LRRTM4: variants seen among roughly 807,000 people sequenced by gnomAD.
LRRTM4 encodes leucine rich repeat transmembrane neuronal 4.
In LRRTM4, 25 loss-of-function variants were observed where a neutral mutation model predicts 47.6. The observed-to-expected ratio is 0.53, with a 90% confidence interval of 0.38 to 0.73. The LOEUF is 0.73. Among genes scored for constraint, LRRTM4 ranks in the 30% least tolerant of loss-of-function variants. The pLI is 0.00. For missense variants in LRRTM4, 638 were observed against 713.4 expected, an observed-to-expected ratio of 0.89 and a Z score of 1.20; for synonymous variants, 311 against 269.5, an observed-to-expected ratio of 1.15 and a Z score of -1.51.
At chr2:77,004,927 C>T (rs1194168170) in intron 3 of LRRTM4, among the ~76,000 whole-genome samples, 1 of 152,044 alleles carries the variant, frequency 6.6e-6, no homozygotes, top group African/African-American at 2.4e-5. Context: ...GGCCTGTAAC[C>T]CTTTGTTTTG....
chr2:77,068,299 A>T (rs1422196315), intron 3 of LRRTM4, among the ~76,000 whole-genome samples: 2 of 151,882 alleles, frequency 1.3e-5, no homozygotes, highest in Non-Finnish European at 2.9e-5. Flanking sequence ...GTTTTTTTTT[A>T]AATTGAGATA....
Position 77,350,178 on chromosome 2 carries a change from T to C in LRRTM4, c.1551+168140A>G, listed in dbSNP as rs562768801. Among the ~76,000 whole-genome samples the C allele has an allele frequency of 4.0e-3, 600 of 149,128 alleles. 2 individuals are homozygous for C. Among genetic ancestry groups the C allele is most frequent in the African/African-American group, 0.014 (569 of 40,842 alleles). On this transcript the variant is annotated intron_variant, in intron 3 of 3. Transcript: ENST00000409884. ...TCTACTAAAAAAAAATACAAAAAATTAGCCGGGCGCGGTGGCGGGCGCCTG... is the reference window on the plus strand; with the variant it reads ...TCTACTAAAAAAAAATACAAAAAATCAGCCGGGCGCGGTGGCGGGCGCCTG...
chr2:76,815,798 G>A (rs1670879999), intron 3 of LRRTM4, among the ~76,000 whole-genome samples: 1 of 152,044 alleles, frequency 6.6e-6, no homozygotes, highest in African/African-American at 2.4e-5. Flanking sequence ...ATGGAATAAT[G>A]TAAAACAAAA....
chr2:76,940,994 G>C (rs1675123159), intron 3 of LRRTM4, among the ~76,000 whole-genome samples: 1 of 152,050 alleles, frequency 6.6e-6, no homozygotes, highest in African/African-American at 2.4e-5. Context: ...AATTTTCATA[G>C]TAAAAGCAGC....
chr2:77,505,593 T>A (rs1055831756), intron 3 of LRRTM4, among the ~76,000 whole-genome samples: 5 of 151,518 alleles, frequency 3.3e-5, no homozygotes, highest in Admixed American at 6.6e-5. Flanking sequence ...AGAAGTATAA[T>A]AAATAAGAAA....
chr2:77,204,331 G>A (rs1674060953), intron 3 of LRRTM4, among the ~76,000 whole-genome samples: 1 of 151,916 alleles, frequency 6.6e-6, no homozygotes, highest in Non-Finnish European at 1.5e-5. Flanking sequence ...GTTTTTAAAG[G>A]TAACTCTTCA....
chr2:77,002,055 T>TAACATTTTACTCTCTTAG (rs1225712481), intron 3 of LRRTM4, among the ~76,000 whole-genome samples: 2 of 152,194 alleles, frequency 1.3e-5, no homozygotes, highest in African/African-American at 4.8e-5. Context: ...AATACACGCT[T>TAACATTTTACTCTCTTAG]AACATTTTAC....
intron 3 of LRRTM4, among the ~76,000 whole-genome samples, chr2:77,047,372 G>A (rs1679269272): frequency 6.6e-6 from 1 of 151,950 alleles, no homozygotes; most frequent in Non-Finnish European, 1.5e-5. Context: ...CAGACTGAGT[G>A]GCTTAAATAA....
intron 3 of LRRTM4, among the ~76,000 whole-genome samples, chr2:77,275,351 C>T (rs148898796): frequency 2.0e-3 from 296 of 151,040 alleles, no homozygotes; most frequent in Admixed American, 3.7e-3. Context: ...TATTTATTAA[C>T]GTCTTGCATA....
intron 3 of LRRTM4, among the ~76,000 whole-genome samples, chr2:77,212,146 C>T (rs1379554902): frequency 1.3e-5 from 2 of 151,724 alleles, no homozygotes; most frequent in African/African-American, 2.4e-5. Flanking sequence ...TTGAGCATTG[C>T]TGAAATGACA....
intron 3 of LRRTM4, among the ~76,000 whole-genome samples, chr2:76,863,412 A>G (rs985986285): frequency 4.6e-5 from 7 of 152,286 alleles, no homozygotes; most frequent in Admixed American, 1.3e-4. Context: ...TATAATTCCA[A>G]ATTAGAGCAT....
intron 3 of LRRTM4, among the ~76,000 whole-genome samples, chr2:77,422,142 C>G (rs1458550621): frequency 6.6e-6 from 1 of 152,216 alleles, no homozygotes; most frequent in East Asian, 1.9e-4. Context: ...AAATCATCTA[C>G]TGATGCATTT....
chr2:77,521,567 T>G (rs2104141393), intron 2 of LRRTM4, 101 bp downstream of exon 2: 1 of 1,382,358 alleles, frequency 7.2e-7, no homozygotes, highest in South Asian at 1.2e-5. Flanking sequence ...GCTGCTGCTC[T>G]TTGCCTGTTT....
chr2:76,793,209 C>T (rs921020674), intron 3 of LRRTM4, among the ~76,000 whole-genome samples: 2 of 152,106 alleles, frequency 1.3e-5, no homozygotes, highest in African/African-American at 4.8e-5. Context: ...TTACAGAAAA[C>T]ACTCATCTCT....
chr2:76,932,799 C>A (rs1380868896), intron 3 of LRRTM4, among the ~76,000 whole-genome samples: 5 of 151,182 alleles, frequency 3.3e-5, no homozygotes, highest in Non-Finnish European at 5.9e-5. Context: ...AATACTTACT[C>A]TAAAGAAATT....
intron 3 of LRRTM4, among the ~76,000 whole-genome samples, chr2:76,991,298 A>T (rs989633574): frequency 2.6e-5 from 4 of 151,724 alleles, no homozygotes; most frequent in African/African-American, 9.7e-5. Context: ...CTACAATGAG[A>T]GTGTAACTGA....
At chr2:77,224,122 T>A (rs1389298534) in intron 3 of LRRTM4, among the ~76,000 whole-genome samples, 2 of 151,628 alleles carry the variant, frequency 1.3e-5, no homozygotes, top group South Asian at 2.1e-4. Context: ...GGATTCCCTA[T>A]TTAATAAATG....
Position 76,982,280 on chromosome 2 carries a change from T to G in LRRTM4, c.1552-233364A>C, listed in dbSNP as rs1676637695. On this transcript the variant is annotated intron_variant, in intron 3 of 3. Transcript: ENST00000409884. The stretch of plus-strand genomic sequence containing the variant: ...GAAAAATCACCAAAATAACATAAAT[T>G]TCTAGAAAGTTTCCGTGTCATATCA... Among the ~76,000 whole-genome samples the G allele has an allele frequency of 5.3e-5, 8 of 152,004 alleles. No individual in the cohort carries two copies. In the South Asian group the frequency reaches 1.7e-3, roughly 31 times the overall value.
intron 3 of LRRTM4, among the ~76,000 whole-genome samples, chr2:77,150,286 C>A (rs1030342137): frequency 6.6e-6 from 1 of 152,052 alleles, no homozygotes; most frequent in Non-Finnish European, 1.5e-5. Flanking sequence ...TACAAAAATG[C>A]CAGGCTACAA....
Sources: allele counts gnomAD v4.1 joint callset (sites outside exome capture counted in the v4.1 genomes callset), GRCh38; gene constraint gnomAD v4.1.1; transcripts MANE v1.5; gene names NCBI Gene and HGNC (gene_info 2026-07-23, HGNC 2026-07-21).